Variants in CACHD1 observed in about 807,000 individuals in gnomAD.
CACHD1 encodes cache domain containing 1.
CACHD1 carries 71 observed loss-of-function variants against 138.7 expected under a neutral mutation model. That is an observed-to-expected ratio of 0.51 (90% CI 0.42 to 0.62). The LOEUF is 0.62. Among genes scored for constraint, CACHD1 ranks in the 20% least tolerant of loss-of-function variants. CACHD1 has a pLI of 0.00. For synonymous variants in CACHD1, 578 were observed against 591.5 expected (o/e 0.98, Z 0.33); for missense variants, 1,389 against 1,625.3 (o/e 0.85, Z 2.50).
intron 4 of CACHD1, among the ~76,000 whole-genome samples, chr1:64,610,391 A>G (rs946901465): frequency 6.6e-6 from 1 of 152,216 alleles, no homozygotes; most frequent in Non-Finnish European, 1.5e-5. Context: ...TCCATCTATG[A>G]GCTGGTAAAA....
intron 4 of CACHD1, among the ~76,000 whole-genome samples, chr1:64,627,936 G>C (rs1648167719): frequency 6.6e-6 from 1 of 152,124 alleles, no homozygotes; most frequent in Non-Finnish European, 1.5e-5. Flanking sequence ...GAATTAACTG[G>C]TATTAAACAA....
intron 1 of CACHD1, among the ~76,000 whole-genome samples, chr1:64,508,159 A>G (rs932127072): frequency 6.6e-6 from 1 of 151,876 alleles, no homozygotes; most frequent in African/African-American, 2.4e-5. Context: ...TTTTGTGAGA[A>G]CTCAGTCATT....
At chr1:64,487,074 G>T (rs192248786) in intron 1 of CACHD1, among the ~76,000 whole-genome samples, 1 of 152,104 alleles carries the variant, frequency 6.6e-6, no homozygotes, top group African/African-American at 2.4e-5. Flanking sequence ...ACTGAAGAAA[G>T]GTGGGAATAA....
Position 64,653,958 on chromosome 1 carries a change from TAC to T in CACHD1, c.1664+79_1664+80del, listed in dbSNP as rs1478762000. On this transcript the variant is annotated intron_variant, in intron 11 of 26. Transcript: ENST00000651257. Reference sequence around the variant, plus strand: ...ATCAAAGCCACATACGAGTATTTACTACAGAGTATAAAACAAGTGTATAAATT... The same window carrying T: ...ATCAAAGCCACATACGAGTATTTACTAGAGTATAAAACAAGTGTATAAATT... The T allele has an allele frequency of 2.4e-6, 3 of 1,243,390 alleles. No homozygotes were observed. In the African/African-American group the frequency reaches 4.5e-5, roughly 19 times the overall value. 77.0% of individuals were successfully genotyped at this position (1,243,390 alleles called of 1,614,324 possible).
intron 3 of CACHD1, among the ~76,000 whole-genome samples, chr1:64,592,731 G>A (rs1048359245): frequency 1.3e-5 from 2 of 152,200 alleles, no homozygotes; most frequent in Non-Finnish European, 2.9e-5. Flanking sequence ...AACGGCTGTG[G>A]TCAGGTCTTG....
At chr1:64,581,811 G>A (rs1570388531) in intron 2 of CACHD1, among the ~76,000 whole-genome samples, 1 of 152,302 alleles carries the variant, frequency 6.6e-6, no homozygotes, top group African/African-American at 2.4e-5. Context: ...TCGTTGCTCT[G>A]TAACACACAA....
chr1:64,573,876 T>C (rs1646945841), intron 2 of CACHD1, among the ~76,000 whole-genome samples: 1 of 152,240 alleles, frequency 6.6e-6, no homozygotes, highest in Non-Finnish European at 1.5e-5. Flanking sequence ...TAAAGTCACA[T>C]GTCACACAGT....
At chr1:64,631,097 C>A (rs779165389) in intron 5 of CACHD1, among the ~76,000 whole-genome samples, 1 of 152,208 alleles carries the variant, frequency 6.6e-6, no homozygotes, top group East Asian at 1.9e-4. Context: ...GACTGCCCCC[C>A]AGTTTGTACA....
At chr1:64,505,498 A>G (rs1391500264) in intron 1 of CACHD1, among the ~76,000 whole-genome samples, 1 of 151,936 alleles carries the variant, frequency 6.6e-6, no homozygotes, top group African/African-American at 2.4e-5. Flanking sequence ...GATTAGGTGC[A>G]TAAAATCGCT....
chr1:64,657,786 C>T (rs1649315610), intron 12 of CACHD1, among the ~76,000 whole-genome samples: 1 of 152,196 alleles, frequency 6.6e-6, no homozygotes. Flanking sequence ...CTTTATAAGG[C>T]ACCGTTCTTT....
chr1:64,490,530 C>T (rs566518091), intron 1 of CACHD1, among the ~76,000 whole-genome samples: 2 of 152,294 alleles, frequency 1.3e-5, no homozygotes, highest in Admixed American at 6.5e-5. Context: ...ATTTTCTCCT[C>T]AAGCTGATGA....
intron 1 of CACHD1, among the ~76,000 whole-genome samples, chr1:64,518,905 A>G (rs1646478162): frequency 6.6e-6 from 1 of 152,088 alleles, no homozygotes; most frequent in South Asian, 2.1e-4. Flanking sequence ...TTTACAACCT[A>G]TTGTGTTCTA....
intron 17 of CACHD1, 54 bp from the exon 18 acceptor site, chr1:64,673,104 G>GAAAA: frequency 2.7e-5 from 34 of 1,258,500 alleles, no homozygotes; most frequent in Middle Eastern, 2.8e-4. Flanking sequence ...GAATACGTTT[G>GAAAA]AAAAAAAAAA....
At chr1:64,625,878 G>A (rs1452250161) in intron 4 of CACHD1, among the ~76,000 whole-genome samples, 1 of 152,204 alleles carries the variant, frequency 6.6e-6, no homozygotes, top group African/African-American at 2.4e-5. Flanking sequence ...TTGTTGAGGT[G>A]AGAATTAAAT....
intron 12 of CACHD1, among the ~76,000 whole-genome samples, chr1:64,656,533 A>G (rs1316539675): frequency 6.6e-6 from 1 of 152,196 alleles, no homozygotes; most frequent in East Asian, 1.9e-4. Context: ...AAATATCTGC[A>G]TGGTTGCTGG....
At chr1:64,598,944 A>ATAT (rs5774711) in intron 3 of CACHD1, among the ~76,000 whole-genome samples, 44,136 of 147,846 alleles carry the variant, frequency 0.3, 7,513 homozygotes, top group African/African-American at 0.46. Context: ...ATTAATATTA[A>ATAT]TATATATTAA....
intron 2 of CACHD1, among the ~76,000 whole-genome samples, chr1:64,552,471 G>GT (rs34499860): frequency 0.053 from 6,525 of 122,834 alleles, 530 homozygotes; most frequent in African/African-American, 0.17. Context: ...ATTTTGTTTT[G>GT]TTTTTTTTTT....
chr1:64,477,011 A>G (rs969155879), intron 1 of CACHD1, among the ~76,000 whole-genome samples: 12 of 152,230 alleles, frequency 7.9e-5, no homozygotes, highest in African/African-American at 2.9e-4. Flanking sequence ...TGAAGGGACA[A>G]CAGGGACAAG....
At chr1:64,664,778 A>G (rs530275699) in intron 15 of CACHD1, 99 bp downstream of exon 15, 2 of 1,035,136 alleles carry the variant, frequency 1.9e-6, no homozygotes, top group Non-Finnish European at 2.8e-6. Flanking sequence ...ATTAAACTAA[A>G]GAAGATACTT....
Sources: allele counts gnomAD v4.1 joint callset (sites outside exome capture counted in the v4.1 genomes callset), GRCh38; gene constraint gnomAD v4.1.1; transcripts MANE v1.5; gene names NCBI Gene and HGNC (gene_info 2026-07-23, HGNC 2026-07-21).